The following COPS5 variants were observed in gnomAD, a reference collection of about 807,000 sequenced individuals.
COPS5 encodes the protein COP9 signalosome complex subunit 5.
Under a neutral mutation model 44.4 loss-of-function variants are expected in COPS5, and 8 were observed. The observed-to-expected ratio is 0.18, with a 90% CI of 0.11 to 0.32. The LOEUF is 0.32. Ranked by LOEUF, COPS5 falls within the 10% of genes least tolerant of loss-of-function variation. The pLI is 1.00. For synonymous variants in COPS5, 122 were observed against 142.8 expected (o/e 0.85, Z 1.04); for missense variants, 159 against 406.4 (o/e 0.39, Z 5.23).
chr8:67,045,853 G>C lies in COPS5; in HGVS notation c.879C>G (p.Asp293Glu). The stretch of plus-strand genomic sequence containing the variant: ...TGGCAAGTTTGTCTTCTGATTTTCG[G>C]TCATGCGTTTCTAAACCCAACATGA... ...GSFMLGLETH[D>E]RKSEDKLAKA... The change falls in exon 7 of 8, where the codon GAC becomes GAG. Residue 293 changes from aspartate to glutamate, a missense_variant. Coordinates refer to ENST00000357849, the MANE Select transcript of COPS5 (RefSeq NM_006837.3). 1 of 1,614,078 alleles carries C rather than the reference G, an allele frequency of 6.2e-7. No individual in the cohort carries two copies. The highest frequency in any genetic ancestry group is 8.5e-7 in the Non-Finnish European group (1 of 1,180,006).
intron 1 of COPS5, chr8:67,061,088 A>T (rs1257791698): frequency 6.1e-6 from 1 of 165,192 alleles, no homozygotes; most frequent in African/African-American, 2.4e-5. Flanking sequence ...ATAGCAGGAA[A>T]TCTCTCAGGA....
At chr8:67,046,884 C>T (rs544953907) in intron 6 of COPS5, among the ~76,000 whole-genome samples, 1 of 118,430 alleles carries the variant, frequency 8.4e-6, no homozygotes, top group Admixed American at 8.2e-5. Flanking sequence ...AATAATTATA[C>T]AAAAATATTT....
rs1307288788 is a variant in COPS5, at chr8:67,057,454, A to C, written c.508-9T>G. The stretch of plus-strand genomic sequence containing the variant: ...GTTCTTGTTGGATCAATCTATAAGA[A>C]AGATATATTTAATATCTGCTGATAT... On this transcript the variant is annotated splice_polypyrimidine_tract_variant and intron_variant, in intron 3 of 7. Coordinates refer to ENST00000357849, the MANE Select transcript of COPS5 (RefSeq NM_006837.3). 1 of 1,594,158 alleles carries C rather than the reference A, an allele frequency of 6.3e-7. No homozygotes were observed. The highest frequency in any genetic ancestry group is 1.1e-5 in the South Asian group (1 of 90,000).
chr8:67,061,899 T>A lies in COPS5; in HGVS notation c.98A>T (p.Lys33Met), dbSNP rs1490507809. The change falls in exon 1 of 8, where the codon AAG (lysine) becomes ATG (methionine). Residue 33 changes from lysine (K) to methionine (M), a missense_variant. Lys to Met is a moderately conservative substitution (Grantham distance 95). Around this residue, in one of 2 missense-constraint regions of COPS5, gnomAD observed 134 missense variants for 376.7 expected, o/e 0.36. Transcript: ENST00000357849. ...CGCCAGGATTTCTTGCTGCTGTTTC[T>A]TGTCGTATTTGTAGATTTCATCGAT... ...QSIDEIYKYD[K>M]KQQQEILAAK... 1 of 1,614,140 alleles carries A rather than the reference T, an allele frequency of 6.2e-7. No homozygotes were observed. The highest frequency in any genetic ancestry group is 8.5e-7 in the Non-Finnish European group (1 of 1,180,058).
intron 1 of COPS5, 110 bp from the exon 2 acceptor site, chr8:67,059,555 G>A: frequency 2.6e-6 from 2 of 777,174 alleles, no homozygotes; most frequent in Non-Finnish European, 4.2e-6. Flanking sequence ...GCGATGGAAA[G>A]GGAGTGTAGA....
Position 67,062,016 on chromosome 8 carries a change from T to C in COPS5, c.-20A>G, listed in dbSNP as rs115246389. The C allele has an allele frequency of 1.5e-3, 2,350 of 1,614,154 alleles. 27 individuals are homozygous for C. In the African/African-American group the frequency reaches 0.029, roughly 20 times the overall value. On this transcript the variant is annotated 5_prime_UTR_variant, in exon 1 of 8. Coordinates refer to ENST00000357849, the MANE Select transcript of COPS5 (RefSeq NM_006837.3). ...CGCCATCGCCGAGGAAGCGGAGAAGTTGTCGTCTCTACAACCAAGACGCAA... is the reference window on the plus strand; with the variant it reads ...CGCCATCGCCGAGGAAGCGGAGAAGCTGTCGTCTCTACAACCAAGACGCAA...
At chr8:67,056,961 T>G (rs1804523414) in intron 4 of COPS5, among the ~76,000 whole-genome samples, 1 of 151,870 alleles carries the variant, frequency 6.6e-6, no homozygotes, top group Non-Finnish European at 1.5e-5. Flanking sequence ...GACCTATAGA[T>G]TTAGCTTGTT....
intron 6 of COPS5, among the ~76,000 whole-genome samples, chr8:67,050,175 G>A (rs1261486534): frequency 1.3e-5 from 2 of 151,868 alleles, no homozygotes; most frequent in African/African-American, 4.8e-5. Context: ...CTAATTTTTT[G>A]TATTTTTAGT....
chr8:67,060,343 G>A, intron 1 of COPS5: 1 of 1,196,426 alleles, frequency 8.4e-7, no homozygotes, highest in Non-Finnish European at 1.1e-6. Context: ...GCCTGTTACA[G>A]AAGCAAGCAG....
intron 2 of COPS5, 38 bp downstream of exon 2, chr8:67,059,173 A>G (rs1479190528): frequency 6.8e-7 from 1 of 1,479,354 alleles, no homozygotes; most frequent in South Asian, 1.1e-5. Context: ...TGAGACTCTA[A>G]CTTGCAATTA....
At chr8:67,059,157 T>C in intron 2 of COPS5, 54 bp downstream of exon 2, 1 of 1,294,104 alleles carries the variant, frequency 7.7e-7, no homozygotes, top group African/African-American at 1.5e-5. Flanking sequence ...AACTCAAAAG[T>C]CACCTTGAGA....
chr8:67,057,049 TAAC>T (rs1255447689), intron 4 of COPS5, among the ~76,000 whole-genome samples: 6 of 152,188 alleles, frequency 3.9e-5, no homozygotes, highest in Non-Finnish European at 7.3e-5. Context: ...CCAGTAAAAT[TAAC>T]AATATATAAC....
chr8:67,047,990 C>A, intron 6 of COPS5: 2 of 680,590 alleles, frequency 2.9e-6, no homozygotes, highest in South Asian at 1.6e-5. Flanking sequence ...GAAATAAGAA[C>A]AGATACTGGG....
intron 5 of COPS5, among the ~76,000 whole-genome samples, chr8:67,054,181 T>TA (rs950811016): frequency 6.0e-5 from 9 of 148,842 alleles, no homozygotes; most frequent in East Asian, 3.9e-4. Flanking sequence ...AACACGATCT[T>TA]AAAAAAAAAA....
chr8:67,060,783 G>A (rs758006771), intron 1 of COPS5: 25 of 245,350 alleles, frequency 1.0e-4, no homozygotes, highest in Non-Finnish European at 1.9e-4. Context: ...ACTTATGTCA[G>A]TATGATCATA....
intron 5 of COPS5, among the ~76,000 whole-genome samples, chr8:67,052,187 C>T (rs900294107): frequency 6.6e-6 from 1 of 152,044 alleles, no homozygotes; most frequent in Non-Finnish European, 1.5e-5. Context: ...TGAGAAGCCT[C>T]AGGGAAAAGG....
intron 1 of COPS5, chr8:67,061,522 T>G: frequency 2.3e-6 from 1 of 436,214 alleles, no homozygotes; most frequent in Non-Finnish European, 4.4e-6. Context: ...CAGTTTGGGA[T>G]TAGTTGAAGA....
In COPS5 at chr8:67,043,260, T is replaced by A. The variant is rs138019004; in HGVS notation, c.978A>T (p.Lys326Asn). ...HGLMSQVIKD[K>N]LFNQINIS ...AAGAGATGTTAATTTGATTAAACAG[T>A]TTATCCTTAATAACCTGAGACATCA... The change falls in exon 8 of 8, where the codon AAA becomes AAT. Residue 326 changes from lysine (K) to asparagine (N), a missense_variant. Around this residue, in one of 2 missense-constraint regions of COPS5, gnomAD observed 134 missense variants for 376.7 expected, o/e 0.36. Coordinates refer to ENST00000357849, the MANE Select transcript of COPS5 (RefSeq NM_006837.3). The A allele has an allele frequency of 6.3e-7, 1 of 1,597,392 alleles. No homozygotes were observed. The highest frequency in any genetic ancestry group is 2.2e-5 in the East Asian group (1 of 44,644).
intron 1 of COPS5, chr8:67,060,268 A>G: frequency 1.0e-6 from 1 of 983,162 alleles, no homozygotes; most frequent in South Asian, 1.9e-5. Context: ...TTAGAGCCAC[A>G]ATTAGACAGT....
Sources: allele counts gnomAD v4.1 joint callset (sites outside exome capture counted in the v4.1 genomes callset), GRCh38; gene constraint gnomAD v4.1.1; regional missense constraint gnomAD v4.1.1; transcripts MANE v1.5; gene names NCBI Gene and HGNC (gene_info 2026-07-23, HGNC 2026-07-21).